TMEM232: variants seen among roughly 807,000 people sequenced by gnomAD.
TMEM232 encodes the protein transmembrane protein 232.
Under a neutral mutation model 78.8 loss-of-function variants are expected in TMEM232, and 80 were observed. That is an observed-to-expected ratio of 1.01 (90% CI 0.85 to 1.22). The LOEUF is 1.22. Among genes scored for constraint, TMEM232 ranks in the 50% most tolerant of loss-of-function variants. The pLI, the probability that TMEM232 is intolerant of heterozygous loss-of-function variation, is 0.00. For missense variants in TMEM232, 881 were observed against 742.2 expected, an observed-to-expected ratio of 1.19 and a Z score of -2.17; for synonymous variants, 297 against 254.3, an observed-to-expected ratio of 1.17 and a Z score of -1.60.
At chr5:110,547,998 CAAAAAAA>C (rs938444289) in intron 11 of TMEM232, among the ~76,000 whole-genome samples, 1 of 48,660 alleles carries the variant, frequency 2.1e-5, no homozygotes, top group Non-Finnish European at 4.4e-5. Context: ...ACTCCATCTC[CAAAAAAA>C]AAAAAAAAAA....
At chr5:110,703,743 T>A (rs1388661277) in intron 1 of TMEM232, among the ~76,000 whole-genome samples, 1 of 152,120 alleles carries the variant, frequency 6.6e-6, no homozygotes, top group African/African-American at 2.4e-5. Flanking sequence ...CTCATTTTTG[T>A]GGGACAGATA....
chr5:110,437,330 T>C (rs1191544962), intron 12 of TMEM232, among the ~76,000 whole-genome samples: 2 of 151,868 alleles, frequency 1.3e-5, no homozygotes, highest in African/African-American at 2.4e-5. Context: ...AACAAAATTA[T>C]AGAAAAAAAC....
chr5:110,490,204 A>G (rs1467351981), intron 12 of TMEM232, among the ~76,000 whole-genome samples: 3 of 151,566 alleles, frequency 2.0e-5, no homozygotes, highest in African/African-American at 7.3e-5. Context: ...AGTTAATTGT[A>G]TTGCTATACA....
chr5:110,443,915 T>C (rs1030579512), intron 12 of TMEM232, among the ~76,000 whole-genome samples: 1 of 152,216 alleles, frequency 6.6e-6, no homozygotes, highest in Non-Finnish European at 1.5e-5. Flanking sequence ...CTCATGACTC[T>C]GCCCAGTACC....
chr5:110,407,453 G>C (rs1408914570), intron 2 of TMEM232, among the ~76,000 whole-genome samples: 2 of 152,060 alleles, frequency 1.3e-5, no homozygotes, highest in Non-Finnish European at 2.9e-5. Flanking sequence ...TATTGATAAA[G>C]GGGTCAATTT....
intron 12 of TMEM232, among the ~76,000 whole-genome samples, chr5:110,474,737 T>G (rs1227185184): frequency 1.3e-5 from 2 of 151,970 alleles, no homozygotes; most frequent in African/African-American, 4.8e-5. Context: ...TATAAAATCA[T>G]TGCTATTTCT....
chr5:110,428,824 T>G (rs913734047), intron 12 of TMEM232, among the ~76,000 whole-genome samples: 4 of 151,600 alleles, frequency 2.6e-5, no homozygotes, highest in African/African-American at 9.7e-5. Flanking sequence ...AAACTCACTC[T>G]CTCTCCAAAG....
chr5:110,650,398 A>G (rs1237758377), intron 2 of TMEM232, among the ~76,000 whole-genome samples: 17 of 152,134 alleles, frequency 1.1e-4, no homozygotes, highest in Admixed American at 1.1e-3. Flanking sequence ...CAAAGAGTAC[A>G]GTAAGCCAAA....
intron 12 of TMEM232, among the ~76,000 whole-genome samples, chr5:110,499,296 C>T (rs536748457): frequency 6.6e-6 from 1 of 152,206 alleles, no homozygotes; most frequent in African/African-American, 2.4e-5. Context: ...ACAAGATGTA[C>T]TTTTTGTTTT....
upstream of TMEM232, among the ~76,000 whole-genome samples, chr5:110,729,764 AT>A (rs113392735): frequency 4.0e-5 from 6 of 151,316 alleles, no homozygotes; most frequent in Admixed American, 2.0e-4. Flanking sequence ...CTAGAACAGC[AT>A]TTTTTTTTCC....
chr5:110,620,139 T>C (rs1392003942), intron 7 of TMEM232, among the ~76,000 whole-genome samples: 1 of 152,162 alleles, frequency 6.6e-6, no homozygotes, highest in East Asian at 1.9e-4. Context: ...CGAACAAGAT[T>C]TGAGTTTTAT....
chr5:110,509,010 G>GTA (rs1231688532), intron 12 of TMEM232, among the ~76,000 whole-genome samples: 3 of 128,762 alleles, frequency 2.3e-5, no homozygotes, highest in South Asian at 4.6e-4. Context: ...ATATATATAT[G>GTA]TATATATATA....
intron 12 of TMEM232, among the ~76,000 whole-genome samples, chr5:110,427,068 T>TA (rs139393881): frequency 0.022 from 3,270 of 151,898 alleles, 82 homozygotes; most frequent in East Asian, 0.066. Flanking sequence ...TGCTAGAAAA[T>TA]AAAAAATTAT....
intron 7 of TMEM232, among the ~76,000 whole-genome samples, chr5:110,618,825 G>C (rs1783269547): frequency 1.3e-5 from 2 of 152,080 alleles, no homozygotes; most frequent in South Asian, 4.1e-4. Context: ...AAAAATTCTG[G>C]ATCACATAAG....
At chr5:110,686,248 C>T (rs111225868) in intron 1 of TMEM232, among the ~76,000 whole-genome samples, 1 of 151,958 alleles carries the variant, frequency 6.6e-6, no homozygotes, top group African/African-American at 2.4e-5. Context: ...ACTTCAGAGG[C>T]CAAACTACTA....
At chr5:110,437,562 A>G (rs1758573627) in intron 12 of TMEM232, among the ~76,000 whole-genome samples, 1 of 152,002 alleles carries the variant, frequency 6.6e-6, no homozygotes, top group Admixed American at 6.6e-5. Context: ...AGTGGTGAGA[A>G]CTTTGGTGCT....
At chr5:110,439,111 C>T (rs1268272934) in intron 12 of TMEM232, among the ~76,000 whole-genome samples, 1 of 152,032 alleles carries the variant, frequency 6.6e-6, no homozygotes, top group Non-Finnish European at 1.5e-5. Context: ...CTGTCTTTAA[C>T]CCTCATTAGC....
rs766768269 is a variant in TMEM232, at chr5:110,667,234, T to G, written c.119A>C (p.Lys40Thr). The G allele has an allele frequency of 9.1e-6, 14 of 1,543,620 alleles. No homozygotes were observed. The highest frequency in any genetic ancestry group is 1.2e-5 in the Non-Finnish European group (14 of 1,142,464). Reference protein sequence around the residue: ...FQHLSGERGHKSRPTFSITKE... With the variant: ...FQHLSGERGHTSRPTFSITKE... ...TAATTATTTTCTAGCTTACCTTGAT[T>G]TATGACCCCTTTCTCCACTTAAATG... is the stretch of plus-strand genomic sequence containing the variant. Residue 40 changes from lysine to threonine, a missense_variant, in exon 2 of 14, where the codon AAA becomes ACA. Coordinates refer to ENST00000455884, the MANE Select transcript of TMEM232 (RefSeq NM_001039763.4).
intron 12 of TMEM232, among the ~76,000 whole-genome samples, chr5:110,479,029 T>C (rs1763571929): frequency 6.6e-6 from 1 of 151,214 alleles, no homozygotes; most frequent in Non-Finnish European, 1.5e-5. Context: ...ATTACTGTGG[T>C]AGAACTAGAA....
Sources: allele counts gnomAD v4.1 joint callset (sites outside exome capture counted in the v4.1 genomes callset), GRCh38; gene constraint gnomAD v4.1.1; transcripts MANE v1.5; gene names NCBI Gene and HGNC (gene_info 2026-07-23, HGNC 2026-07-21).